Variants in ZNF804B observed in about 807,000 individuals in gnomAD.
ZNF804B encodes the protein zinc finger 804B.
Under a neutral mutation model 101.4 loss-of-function variants are expected in ZNF804B, and 80 were observed. The ratio of observed to expected loss-of-function variants is 0.79; its 90% CI spans 0.66 to 0.95. ZNF804B has a LOEUF of 0.95. Among genes scored for constraint, ZNF804B ranks in the 40% least tolerant of loss-of-function variants. ZNF804B has a pLI of 0.00. For synonymous variants in ZNF804B, 622 were observed against 558.8 expected, an observed-to-expected ratio of 1.11 and a Z score of -1.59; for missense variants, 1,673 against 1,561.9, an observed-to-expected ratio of 1.07 and a Z score of -1.20.
At chr7:88,776,780 A>ACCCCCCCCCCCCCCCCC (rs10707553) in intron 1 of ZNF804B, among the ~76,000 whole-genome samples, 1 of 83,492 alleles carries the variant, frequency 1.2e-5, no homozygotes, top group Non-Finnish European at 2.4e-5. Context: ...TAACCCATAA[A>ACCCCCCCCCCCCCCCCC]CCCCCCCCCC....
At chr7:89,063,000 T>C (rs1295607947) in intron 1 of ZNF804B, among the ~76,000 whole-genome samples, 2 of 152,154 alleles carry the variant, frequency 1.3e-5, no homozygotes, top group African/African-American at 4.8e-5. Flanking sequence ...CCTTCTAAGA[T>C]ACATCTGAAA....
intron 1 of ZNF804B, among the ~76,000 whole-genome samples, chr7:89,155,086 A>T (rs1271647300): frequency 6.6e-6 from 1 of 152,128 alleles, no homozygotes; most frequent in Admixed American, 6.5e-5. Context: ...CATATATCTT[A>T]TTGTATGTTT....
chr7:88,875,286 T>A (rs888468460), intron 1 of ZNF804B, among the ~76,000 whole-genome samples: 37 of 151,074 alleles, frequency 2.4e-4, no homozygotes, highest in East Asian at 1.4e-3. Flanking sequence ...AAAAGCTAGC[T>A]GAAGGCAAGA....
At chr7:88,855,786 G>C (rs1791546763) in intron 1 of ZNF804B, among the ~76,000 whole-genome samples, 1 of 152,082 alleles carries the variant, frequency 6.6e-6, no homozygotes, top group Non-Finnish European at 1.5e-5. Context: ...TTTGTATAAG[G>C]TGCAAGGAAG....
At chr7:89,086,016 C>T (rs1225237285) in intron 1 of ZNF804B, among the ~76,000 whole-genome samples, 1 of 151,798 alleles carries the variant, frequency 6.6e-6, no homozygotes, top group Non-Finnish European at 1.5e-5. Context: ...TTCTACATGC[C>T]CTGAGCAAGT....
chr7:88,922,617 A>ATG lies in ZNF804B; in HGVS notation c.108+162534_108+162535insGT, dbSNP rs1349536634. On this transcript the variant is annotated intron_variant, in intron 1 of 3. Coordinates refer to ENST00000333190, the MANE Select transcript of ZNF804B (RefSeq NM_181646.5). Reference sequence around the variant, plus strand: ...AAAAGCTAATTACAGATACATATATATATATATATACACACACACTTTTTC... The same window carrying ATG: ...AAAAGCTAATTACAGATACATATATATGTATATATATACACACACACTTTTTC... Among the ~76,000 whole-genome samples, 53 of 135,816 alleles carry ATG rather than the reference A, an allele frequency of 3.9e-4. 1 individual carries two copies. Among genetic ancestry groups the ATG allele is most frequent in the African/African-American group, 1.5e-3 (53 of 34,616 alleles). The allele number at this position is 135,816 out of a possible 152,430, so 89.1% of individuals were successfully genotyped here.
At chr7:89,196,024 G>A (rs1045444227) in intron 1 of ZNF804B, among the ~76,000 whole-genome samples, 18 of 151,900 alleles carry the variant, frequency 1.2e-4, no homozygotes, top group African/African-American at 4.3e-4. Context: ...AACTACCATC[G>A]ACATTCTTCA....
At chr7:89,155,348 A>T (rs144848363) in intron 1 of ZNF804B, among the ~76,000 whole-genome samples, 134 of 152,212 alleles carry the variant, frequency 8.8e-4, no homozygotes, top group African/African-American at 3.1e-3. Flanking sequence ...AACAGCCTCT[A>T]ATTTTATAAA....
chr7:89,314,370 C>T (rs948839711), intron 2 of ZNF804B, among the ~76,000 whole-genome samples: 1 of 151,910 alleles, frequency 6.6e-6, no homozygotes, highest in Non-Finnish European at 1.5e-5. Flanking sequence ...TTCTCCTTTG[C>T]AAAAAAACTA....
At chr7:89,131,042 G>A (rs575770621) in intron 1 of ZNF804B, among the ~76,000 whole-genome samples, 1 of 152,074 alleles carries the variant, frequency 6.6e-6, no homozygotes, top group South Asian at 2.1e-4. Flanking sequence ...TTTCTGTATA[G>A]AAGCAGGGGA....
intron 1 of ZNF804B, among the ~76,000 whole-genome samples, chr7:88,909,779 C>G (rs1792522166): frequency 1.3e-5 from 2 of 151,220 alleles, no homozygotes; most frequent in Admixed American, 6.6e-5. Context: ...TTTTAACTTA[C>G]TTCCTTAGCA....
At chr7:88,865,625 C>G (rs1194421282) in intron 1 of ZNF804B, among the ~76,000 whole-genome samples, 1 of 152,132 alleles carries the variant, frequency 6.6e-6, no homozygotes, top group Non-Finnish European at 1.5e-5. Context: ...TTAATTTCCT[C>G]TTAGTTCCCT....
Position 89,335,273 on chromosome 7 carries a change from A to G in ZNF804B, c.2291A>G (p.Tyr764Cys), listed in dbSNP as rs535371685. Residue 764 changes from tyrosine to cysteine, a missense_variant, in exon 4 of 4, where the codon TAC becomes TGC. Coordinates refer to ENST00000333190, the MANE Select transcript of ZNF804B (RefSeq NM_181646.5). ...KRKCLKHNCF[Y>C]LSDDITKSSQ... ...AAATGTCTAAAGCACAACTGCTTCT[A>G]CTTGTCTGATGATATAACAAAGAGC... 1.9e-6 allele frequency: 3 copies of G among 1,613,782 alleles called. No homozygotes were observed. Among genetic ancestry groups the G allele is most frequent in the South Asian group, 1.1e-5 (1 of 91,078 alleles).
intron 1 of ZNF804B, among the ~76,000 whole-genome samples, chr7:89,126,307 T>C (rs1484062176): frequency 6.6e-6 from 1 of 151,964 alleles, no homozygotes; most frequent in African/African-American, 2.4e-5. Flanking sequence ...CAAATCTCTC[T>C]TTAGGAGGAA....
intron 1 of ZNF804B, among the ~76,000 whole-genome samples, chr7:89,205,296 T>C (rs1199212705): frequency 1.3e-5 from 2 of 152,174 alleles, no homozygotes; most frequent in African/African-American, 4.8e-5. Flanking sequence ...CCAAATCTCA[T>C]GTCCTCACAT....
chr7:88,917,388 G>T (rs1054699081), intron 1 of ZNF804B, among the ~76,000 whole-genome samples: 3 of 152,200 alleles, frequency 2.0e-5, no homozygotes, highest in African/African-American at 7.2e-5. Context: ...GGCTGCAGTT[G>T]TACATGTTGA....
chr7:89,020,166 G>C (rs751193603), intron 1 of ZNF804B, among the ~76,000 whole-genome samples: 2 of 152,032 alleles, frequency 1.3e-5, no homozygotes, highest in Admixed American at 1.3e-4. Flanking sequence ...TCATAATTTA[G>C]TGTGTTTTCA....
At chr7:88,776,890 A>T (rs1790150427) in intron 1 of ZNF804B, among the ~76,000 whole-genome samples, 1 of 151,244 alleles carries the variant, frequency 6.6e-6, no homozygotes, top group Non-Finnish European at 1.5e-5. Flanking sequence ...CAGCTTTTCA[A>T]ACAGAGGTAA....
intron 1 of ZNF804B, among the ~76,000 whole-genome samples, chr7:88,926,455 C>A (rs1385045598): frequency 6.9e-6 from 1 of 144,392 alleles, no homozygotes; most frequent in Non-Finnish European, 1.5e-5. Flanking sequence ...AATAGCCGGG[C>A]GTAGTGGTGC....
Sources: allele counts gnomAD v4.1 joint callset (sites outside exome capture counted in the v4.1 genomes callset), GRCh38; gene constraint gnomAD v4.1.1; transcripts MANE v1.5; gene names NCBI Gene and HGNC (gene_info 2026-07-23, HGNC 2026-07-21).